Variants in GRIK1 observed in about 807,000 individuals in gnomAD.
The protein encoded by GRIK1 is glutamate ionotropic receptor kainate type subunit 1, also known as glutamate receptor ionotropic, kainate 1.
GRIK1 carries 69 observed loss-of-function variants against 105.7 expected under a neutral mutation model. The ratio of observed to expected loss-of-function variants is 0.65; its 90% CI spans 0.54 to 0.80. The LOEUF is 0.80. GRIK1 is among the 30% of genes least tolerant of loss of function. The pLI, the probability that GRIK1 is intolerant of heterozygous loss-of-function variation, is 0.00. For missense variants in GRIK1, 1,109 were observed against 1,167.3 expected, an observed-to-expected ratio of 0.95 and a Z score of 0.73; for synonymous variants, 438 against 431.3, an observed-to-expected ratio of 1.02 and a Z score of -0.19.
chr21:29,640,018 C>T (rs986765863), intron 7 of GRIK1, among the ~76,000 whole-genome samples: 4 of 152,116 alleles, frequency 2.6e-5, no homozygotes, highest in South Asian at 2.1e-4. Flanking sequence ...AATTACCGCA[C>T]ATGCAACAAC....
chr21:29,756,251 G>A (rs1189871193), intron 1 of GRIK1, among the ~76,000 whole-genome samples: 1 of 152,024 alleles, frequency 6.6e-6, no homozygotes, highest in Non-Finnish European at 1.5e-5. Flanking sequence ...TGTAGTGGCG[G>A]GCGCCTGCAG....
chr21:29,637,707 G>T (rs1005079346), intron 7 of GRIK1, among the ~76,000 whole-genome samples: 2 of 152,202 alleles, frequency 1.3e-5, no homozygotes, highest in Non-Finnish European at 2.9e-5. Context: ...TTCCCAGCCT[G>T]CAGAACTATG....
At chr21:29,624,019 T>C (rs1568902197) in intron 7 of GRIK1, among the ~76,000 whole-genome samples, 1 of 152,206 alleles carries the variant, frequency 6.6e-6, no homozygotes, top group South Asian at 2.1e-4. Context: ...CTAAAAATAG[T>C]GTAATGAAAA....
chr21:29,914,410 CCTT>C (rs1246882300), intron 1 of GRIK1, among the ~76,000 whole-genome samples: 1 of 152,062 alleles, frequency 6.6e-6, no homozygotes, highest in Non-Finnish European at 1.5e-5. Context: ...AATTCTTCCT[CCTT>C]CTCCATTTCC....
At chr21:29,596,372 A>C in intron 9 of GRIK1, 154 bp downstream of exon 9, 1 of 755,806 alleles carries the variant, frequency 1.3e-6, no homozygotes, top group Non-Finnish European at 2.5e-6. Flanking sequence ...GAGAGATAAC[A>C]TATTCAATCA....
chr21:29,871,947 A>G (rs2069027741), intron 1 of GRIK1, among the ~76,000 whole-genome samples: 2 of 146,060 alleles, frequency 1.4e-5, no homozygotes, highest in African/African-American at 4.9e-5. Flanking sequence ...TATGTTTTGT[A>G]GAGAGTGGGT....
At chr21:29,926,794 G>A (rs1333752331) in intron 1 of GRIK1, among the ~76,000 whole-genome samples, 2 of 151,976 alleles carry the variant, frequency 1.3e-5, no homozygotes, top group Non-Finnish European at 2.9e-5. Context: ...TTTAGGCTAA[G>A]CTAATAATGG....
intron 1 of GRIK1, among the ~76,000 whole-genome samples, chr21:29,926,725 G>A (rs1344704867): frequency 6.6e-6 from 1 of 151,856 alleles, no homozygotes; most frequent in African/African-American, 2.4e-5. Flanking sequence ...AGATTTCTGG[G>A]TCTGATTTCT....
chr21:29,561,982 T>C, intron 14 of GRIK1, 133 bp from the exon 15 acceptor site: 1 of 641,602 alleles, frequency 1.6e-6, no homozygotes, highest in Non-Finnish European at 2.8e-6. Context: ...TCAAGATTGA[T>C]GATCTCAAGG....
At chr21:29,765,335 A>C (rs1289867400) in intron 1 of GRIK1, among the ~76,000 whole-genome samples, 2 of 152,016 alleles carry the variant, frequency 1.3e-5, no homozygotes, top group African/African-American at 4.8e-5. Flanking sequence ...TTATGCTTTC[A>C]AGTAATGAGA....
At chr21:29,704,319 GC>G (rs2063864805) in intron 1 of GRIK1, among the ~76,000 whole-genome samples, 1 of 152,138 alleles carries the variant, frequency 6.6e-6, no homozygotes, top group Non-Finnish European at 1.5e-5. Context: ...TATCAATAAA[GC>G]AAAAAGCCTG....
At chr21:29,692,108 T>C (rs2063595466) in intron 2 of GRIK1, among the ~76,000 whole-genome samples, 1 of 152,240 alleles carries the variant, frequency 6.6e-6, no homozygotes, top group South Asian at 2.1e-4. Context: ...AGCTCTGCGG[T>C]ACTAATATTA....
At chr21:29,804,442 C>A (rs185072412) in intron 1 of GRIK1, among the ~76,000 whole-genome samples, 1 of 151,736 alleles carries the variant, frequency 6.6e-6, no homozygotes, top group Non-Finnish European at 1.5e-5. Context: ...ATTTTCAACT[C>A]CAATTAAAAA....
chr21:29,693,184 C>T (rs2063618777), intron 2 of GRIK1, among the ~76,000 whole-genome samples: 1 of 152,158 alleles, frequency 6.6e-6, no homozygotes, highest in Non-Finnish European at 1.5e-5. Flanking sequence ...TAGATAGTGT[C>T]CCTGTTAGAA....
At chr21:29,596,390 CTCTT>C in intron 9 of GRIK1, 132 bp downstream of exon 9, 1 of 774,620 alleles carries the variant, frequency 1.3e-6, no homozygotes, top group Middle Eastern at 2.3e-4. Context: ...TCACTCCTCT[CTCTT>C]TACATGGAAC....
intron 1 of GRIK1, among the ~76,000 whole-genome samples, chr21:29,839,103 G>A (rs759622320): frequency 1.3e-5 from 2 of 152,016 alleles, no homozygotes; most frequent in Non-Finnish European, 2.9e-5. Flanking sequence ...AGGCCAGAGT[G>A]CAGTGGTGCG....
chr21:29,913,790 T>C (rs981514927), intron 1 of GRIK1, among the ~76,000 whole-genome samples: 2 of 151,826 alleles, frequency 1.3e-5, no homozygotes, highest in Admixed American at 6.6e-5. Context: ...TTGGTTTTTC[T>C]TGGTTTTTCA....
chr21:29,841,704 T>C (rs1399090950), intron 1 of GRIK1, among the ~76,000 whole-genome samples: 1 of 152,186 alleles, frequency 6.6e-6, no homozygotes. Context: ...TGGAGAATCA[T>C]GTCATCATTG....
chr21:29,838,010 G>A (rs978243952), intron 1 of GRIK1, among the ~76,000 whole-genome samples: 1 of 152,160 alleles, frequency 6.6e-6, no homozygotes, highest in Admixed American at 6.5e-5. Context: ...AATCTGAAGA[G>A]GAAGATGGTT....
Sources: gnomAD v4.1 joint callset for allele counts (sites outside exome capture counted in the v4.1 genomes callset) on GRCh38, gnomAD v4.1.1 for gene constraint, MANE v1.5 for transcripts, NCBI Gene and HGNC (gene_info 2026-07-23, HGNC 2026-07-21) for gene names.